Variants in GUCA1C observed in about 807,000 individuals in gnomAD.
The protein encoded by GUCA1C is guanylyl cyclase-activating protein 3.
A neutral mutation model predicts 16.2 loss-of-function variants in GUCA1C; 15 were observed. That is an observed-to-expected ratio of 0.93 (90% CI 0.62 to 1.43). The LOEUF (loss-of-function observed/expected upper bound fraction) is 1.43, where lower values mean the gene tolerates loss of function less well. Among genes scored for constraint, GUCA1C ranks in the 40% most tolerant of loss-of-function variants. The pLI is 0.00. For synonymous variants in GUCA1C, 78 were observed against 85.4 expected, an observed-to-expected ratio of 0.91 and a Z score of 0.48; for missense variants, 275 against 244.8, an observed-to-expected ratio of 1.12 and a Z score of -0.82.
chr3:108,935,981 G>A (rs1167522182), intron 1 of GUCA1C, among the ~76,000 whole-genome samples: 1 of 152,088 alleles, frequency 6.6e-6, no homozygotes, highest in East Asian at 1.9e-4. Flanking sequence ...AGGCTTATAT[G>A]AGGTGGGGTG....
At chr3:108,909,875 A>T (rs1166810252) in intron 3 of GUCA1C, among the ~76,000 whole-genome samples, 1 of 152,170 alleles carries the variant, frequency 6.6e-6, no homozygotes, top group Non-Finnish European at 1.5e-5. Flanking sequence ...ACCATATCTA[A>T]ACTACTTCTT....
chr3:108,948,847 AT>A (rs36115653), intron 1 of GUCA1C, among the ~76,000 whole-genome samples: 4,135 of 143,592 alleles, frequency 0.029, 168 homozygotes, highest in African/African-American at 0.092. Flanking sequence ...AGATCTGGGA[AT>A]TTTTTTTTTT....
intron 1 of GUCA1C, among the ~76,000 whole-genome samples, chr3:108,946,948 G>A (rs1324957517): frequency 1.3e-5 from 2 of 150,164 alleles, no homozygotes; most frequent in African/African-American, 4.9e-5. Context: ...TCCACAGACT[G>A]GGTATTAGAT....
chr3:108,936,312 T>C (rs1400430467), intron 1 of GUCA1C, among the ~76,000 whole-genome samples: 1 of 152,002 alleles, frequency 6.6e-6, no homozygotes, highest in Non-Finnish European at 1.5e-5. Context: ...TATTTATTGC[T>C]AAGTATAAAA....
intron 1 of GUCA1C, among the ~76,000 whole-genome samples, chr3:108,940,500 G>A (rs1406590858): frequency 3.3e-5 from 5 of 152,340 alleles, no homozygotes; most frequent in East Asian, 1.9e-4. Context: ...ATAGTAAGAC[G>A]ATAGTCAAAA....
rs1269283670 is a variant in GUCA1C, at chr3:108,908,066, T to C, written c.586A>G (p.Lys196Glu). 6 of 1,613,956 alleles carry C rather than the reference T, an allele frequency of 3.7e-6. No homozygotes were observed. In the South Asian group the frequency reaches 5.5e-5, roughly 15 times the overall value. Residue 196 changes from lysine (K) to glutamate (E), a missense_variant, in exon 4 of 4, where the codon AAA (lysine) becomes GAA (glutamate). Coordinates refer to ENST00000261047, the MANE Select transcript of GUCA1C (RefSeq NM_005459.4). ...KQPDMETDSS[K>E]SPDKAGLGKV... The stretch of plus-strand genomic sequence containing the variant: ...CCTAGACCAGCCTTGTCAGGAGATT[T>C]GGAGGAGTCTGTCTCCATGTCTGGC...
At chr3:108,916,239 AG>A (rs1316635441) in intron 2 of GUCA1C, 25 bp from the exon 3 acceptor site, 1 of 1,598,166 alleles carries the variant, frequency 6.3e-7, no homozygotes, top group Admixed American at 1.8e-5. Context: ...TAAATGAAAG[AG>A]GTCAACTTTT....
chr3:108,951,094 TA>T (rs537281500), intron 1 of GUCA1C, among the ~76,000 whole-genome samples: 28 of 149,364 alleles, frequency 1.9e-4, no homozygotes, highest in African/African-American at 2.7e-4. Context: ...ATGTGGAATC[TA>T]AAAAAAAAAT....
chr3:108,930,233 T>G (rs1041667549), intron 1 of GUCA1C, among the ~76,000 whole-genome samples: 1 of 152,212 alleles, frequency 6.6e-6, no homozygotes, highest in African/African-American at 2.4e-5. Context: ...CTGGAGTATT[T>G]GTGATGCCAG....
At chr3:108,915,458 T>C (rs986017893) in intron 3 of GUCA1C, among the ~76,000 whole-genome samples, 3 of 152,292 alleles carry the variant, frequency 2.0e-5, no homozygotes, top group African/African-American at 7.2e-5. Context: ...CAAAGCTACA[T>C]GGTAGAAGCA....
intron 1 of GUCA1C, among the ~76,000 whole-genome samples, chr3:108,926,317 C>T (rs1026201456): frequency 1.8e-4 from 27 of 152,152 alleles, no homozygotes; most frequent in African/African-American, 6.3e-4. Context: ...TATGTGAGTC[C>T]TTATTTGTTA....
chr3:108,927,571 T>C (rs1946634116), intron 1 of GUCA1C, among the ~76,000 whole-genome samples: 1 of 152,154 alleles, frequency 6.6e-6, no homozygotes, highest in Non-Finnish European at 1.5e-5. Flanking sequence ...ACTGGGTCCT[T>C]GATTTCCAGA....
intron 1 of GUCA1C, among the ~76,000 whole-genome samples, chr3:108,940,356 T>C (rs906809506): frequency 2.6e-5 from 4 of 152,234 alleles, no homozygotes; most frequent in Non-Finnish European, 5.9e-5. Context: ...GCAGTGATTA[T>C]GACACAAGTT....
upstream of GUCA1C, chr3:108,954,025 C>A (rs147494463): frequency 2.2e-6 from 1 of 460,558 alleles, no homozygotes; most frequent in East Asian, 3.5e-5. Flanking sequence ...GAAGGGAACA[C>A]GCAATATTTT....
chr3:108,942,972 T>A (rs1374240320), intron 1 of GUCA1C, among the ~76,000 whole-genome samples: 2 of 152,200 alleles, frequency 1.3e-5, no homozygotes, highest in African/African-American at 4.8e-5. Context: ...CATAAAGACA[T>A]TCATTGCCTA....
At chr3:108,920,331 C>T in intron 2 of GUCA1C, 105 bp downstream of exon 2, 3 of 791,552 alleles carry the variant, frequency 3.8e-6, no homozygotes, top group South Asian at 3.2e-5. Context: ...AAATGTATAT[C>T]GCCAAAATAG....
At chr3:108,943,987 T>A (rs1449153952) in intron 1 of GUCA1C, among the ~76,000 whole-genome samples, 1 of 148,648 alleles carries the variant, frequency 6.7e-6, no homozygotes, top group Non-Finnish European at 1.5e-5. Context: ...ATTAAATAAA[T>A]AAATATAATG....
intron 1 of GUCA1C, among the ~76,000 whole-genome samples, chr3:108,924,229 G>C (rs572932925): frequency 6.6e-6 from 1 of 151,978 alleles, no homozygotes; most frequent in African/African-American, 2.4e-5. Context: ...CTTATTCTCA[G>C]GGGAAATGCT....
At chr3:108,947,980 G>T (rs1434692917) in intron 1 of GUCA1C, among the ~76,000 whole-genome samples, 2 of 152,048 alleles carry the variant, frequency 1.3e-5, no homozygotes, top group African/African-American at 4.8e-5. Context: ...TCCTCCCAGG[G>T]TCCCCCTTCT....
Sources: gnomAD v4.1 joint callset for allele counts (sites outside exome capture counted in the v4.1 genomes callset) on GRCh38, gnomAD v4.1.1 for gene constraint, MANE v1.5 for transcripts, NCBI Gene and HGNC (gene_info 2026-07-23, HGNC 2026-07-21) for gene names.